COL21A1: variants seen among roughly 807,000 people sequenced by gnomAD.
COL21A1 encodes collagen alpha-1(XXI) chain.
Under a neutral mutation model 137.9 loss-of-function variants are expected in COL21A1, and 149 were observed. The observed-to-expected ratio is 1.08, with a 90% CI of 0.95 to 1.24. The LOEUF is 1.24. Ranked by LOEUF, COL21A1 falls within the 50% of genes most tolerant of loss-of-function variation. The pLI is 0.00. For missense variants in COL21A1, 1,167 were observed against 1,158.4 expected (o/e 1.01, Z -0.11); for synonymous variants, 456 against 391.5 (o/e 1.16, Z -1.95).
chr6:56,191,169 C>T (rs1778646994), intron 1 of COL21A1, among the ~76,000 whole-genome samples: 1 of 152,266 alleles, frequency 6.6e-6, no homozygotes, highest in South Asian at 2.1e-4. Context: ...CGAATTTTCT[C>T]AGTTTGCAGA....
At chr6:56,231,401 G>A (rs1216449805) in intron 1 of COL21A1, among the ~76,000 whole-genome samples, 2 of 151,716 alleles carry the variant, frequency 1.3e-5, no homozygotes, top group South Asian at 2.1e-4. Flanking sequence ...CTTTCCTGGC[G>A]TTATTCAGCT....
chr6:56,340,518 G>A (rs1164990103), intron 1 of COL21A1, among the ~76,000 whole-genome samples: 1 of 152,154 alleles, frequency 6.6e-6, no homozygotes, highest in Admixed American at 6.5e-5. Context: ...TCTCCTGGTT[G>A]ATGGGGAGAG....
At chr6:56,157,700 T>C (rs908467591) in intron 9 of COL21A1, among the ~76,000 whole-genome samples, 1 of 152,234 alleles carries the variant, frequency 6.6e-6, no homozygotes, top group Non-Finnish European at 1.5e-5. Context: ...CTGTAGACCA[T>C]GTGATCTCTC....
intron 24 of COL21A1, among the ~76,000 whole-genome samples, chr6:56,064,227 A>G (rs563324441): frequency 6.6e-6 from 1 of 152,188 alleles, no homozygotes; most frequent in South Asian, 2.1e-4. Context: ...GAAAAGCAAG[A>G]CAAACCAGCA....
chr6:56,143,791 T>C (rs1009008535), intron 10 of COL21A1, among the ~76,000 whole-genome samples: 4 of 152,196 alleles, frequency 2.6e-5, no homozygotes, highest in African/African-American at 9.6e-5. Flanking sequence ...AAAGACCAGG[T>C]TTAATTCATT....
At chr6:56,382,628 G>A (rs1347292197) in intron 1 of COL21A1, among the ~76,000 whole-genome samples, 6 of 152,100 alleles carry the variant, frequency 3.9e-5, no homozygotes, top group South Asian at 2.1e-4. Flanking sequence ...AGAAGAGGAA[G>A]AGAGGAAGAT....
intron 1 of COL21A1, among the ~76,000 whole-genome samples, chr6:56,330,038 C>G (rs1361277751): frequency 6.6e-6 from 1 of 152,084 alleles, no homozygotes; most frequent in African/African-American, 2.4e-5. Flanking sequence ...TTCAATATAA[C>G]CTCTATTAGA....
At chr6:56,383,078 A>G (rs1401927271) in intron 1 of COL21A1, among the ~76,000 whole-genome samples, 1 of 152,190 alleles carries the variant, frequency 6.6e-6, no homozygotes, top group Admixed American at 6.5e-5. Context: ...AGGATGCTAT[A>G]ACAGATTGCC....
At chr6:56,184,283 C>A (rs1778116633) in intron 1 of COL21A1, among the ~76,000 whole-genome samples, 1 of 151,778 alleles carries the variant, frequency 6.6e-6, no homozygotes, top group Admixed American at 6.6e-5. Flanking sequence ...TAAAAGTGGC[C>A]AGAGGAAAAG....
At chr6:56,074,041 G>C (rs4715576) in intron 20 of COL21A1, among the ~76,000 whole-genome samples, 191 bp downstream of exon 20, 15 of 151,096 alleles carry the variant, frequency 9.9e-5, no homozygotes, top group Non-Finnish European at 2.1e-4. Context: ...CAACATAACA[G>C]GATGAGCTTT....
At chr6:56,234,965 C>G (rs948641040) in intron 1 of COL21A1, among the ~76,000 whole-genome samples, 2 of 151,752 alleles carry the variant, frequency 1.3e-5, no homozygotes, top group Non-Finnish European at 2.9e-5. Context: ...GACTTCAGTT[C>G]GTGCATACTG....
chr6:56,102,849 G>T (rs1247552813), intron 16 of COL21A1, among the ~76,000 whole-genome samples: 1 of 152,138 alleles, frequency 6.6e-6, no homozygotes, highest in Non-Finnish European at 1.5e-5. Context: ...GAGAATAGAA[G>T]GAGCAAAGAT....
At chr6:56,302,527 C>G (rs1764325370) in intron 1 of COL21A1, among the ~76,000 whole-genome samples, 1 of 151,914 alleles carries the variant, frequency 6.6e-6, no homozygotes, top group Non-Finnish European at 1.5e-5. Context: ...TAAATGTCTT[C>G]TTTTGAGAAG....
chr6:56,342,482 G>A (rs373204414), intron 1 of COL21A1, among the ~76,000 whole-genome samples: 1 of 152,174 alleles, frequency 6.6e-6, no homozygotes, highest in African/African-American at 2.4e-5. Context: ...TGCAGAGGAG[G>A]ACAACTGAAT....
chr6:56,238,743 G>C (rs1782074272), intron 1 of COL21A1, among the ~76,000 whole-genome samples: 1 of 152,110 alleles, frequency 6.6e-6, no homozygotes, highest in Non-Finnish European at 1.5e-5. Context: ...ATCTGGATTT[G>C]CCTCTGCTCC....
chr6:56,131,363 C>T (rs1013686600), intron 12 of COL21A1, among the ~76,000 whole-genome samples: 8 of 150,346 alleles, frequency 5.3e-5, no homozygotes, highest in South Asian at 2.2e-4. Flanking sequence ...AAAATATATG[C>T]GCTCACAAAA....
At chr6:56,391,116 A>C in intron 1 of COL21A1, among the ~76,000 whole-genome samples, 1 of 152,196 alleles carries the variant, frequency 6.6e-6, no homozygotes, top group East Asian at 1.9e-4. Context: ...AATCATATCA[A>C]GTAACTTTTC....
chr6:56,243,782 A>G (rs1358082072), intron 1 of COL21A1, among the ~76,000 whole-genome samples: 2 of 152,180 alleles, frequency 1.3e-5, no homozygotes, highest in Admixed American at 1.3e-4. Context: ...GTCAGGATTC[A>G]GGGCTAGGCA....
intron 12 of COL21A1, among the ~76,000 whole-genome samples, chr6:56,127,322 A>G (rs1773126111): frequency 6.6e-6 from 1 of 152,200 alleles, no homozygotes; most frequent in Non-Finnish European, 1.5e-5. Flanking sequence ...CTGGAGTCAA[A>G]TATGGCCATT....
Sources: allele counts gnomAD v4.1 joint callset (sites outside exome capture counted in the v4.1 genomes callset), GRCh38; gene constraint gnomAD v4.1.1; transcripts MANE v1.5; gene names NCBI Gene and HGNC (gene_info 2026-07-23, HGNC 2026-07-21).